ANO7: variants seen among roughly 807,000 people sequenced by gnomAD.
ANO7 encodes anoctamin 7.
ANO7 carries 114 observed loss-of-function variants against 115.8 expected under a neutral mutation model. That is an observed-to-expected ratio of 0.98 (90% CI 0.85 to 1.15). The LOEUF (loss-of-function observed/expected upper bound fraction) is 1.15. Ranked by LOEUF, ANO7 falls within the 50% of genes most tolerant of loss-of-function variation. ANO7 has a pLI of 0.00. For synonymous variants in ANO7, 550 were observed against 498.2 expected, an observed-to-expected ratio of 1.10 and a Z score of -1.38; for missense variants, 1,302 against 1,201.2, an observed-to-expected ratio of 1.08 and a Z score of -1.24.
chr2:241,209,564 G>T lies in ANO7; in HGVS notation c.1288G>T (p.Asp430Tyr). The T allele has an allele frequency of 6.2e-7, 1 of 1,602,292 alleles. No individual in the cohort carries two copies. The change falls in exon 13 of 25, where the codon GAC (aspartate) becomes TAC (tyrosine). Residue 430 changes from aspartate (D) to tyrosine (Y), a missense_variant. Coordinates refer to ENST00000674324, the MANE Select transcript of ANO7 (RefSeq NM_001370694.2). ...AGCCCCGAACCCCATCACGGGTGAG[G>T]ACGAGCCCTACTTCCCTGAGAGGAG... The part of the protein sequence containing the change: ...MTAPNPITGE[D>Y]EPYFPERSRA...
intron 15 of ANO7, 77 bp from the exon 16 acceptor site, chr2:241,212,017 T>G: frequency 2.0e-6 from 2 of 1,010,610 alleles, no homozygotes; most frequent in Non-Finnish European, 3.1e-6. Context: ...TGTGGCAAGG[T>G]GGTCCTAGGA....
rs759632609 is a variant in ANO7 at position 241,224,327 on chromosome 2, G to A, written c.*174G>A. 35 of 680,308 alleles carry A rather than the reference G, an allele frequency of 5.1e-5. No homozygotes were observed. Among genetic ancestry groups the A allele is most frequent in the African/African-American group, 3.8e-4 (21 of 55,304 alleles). 42.1% of individuals were successfully genotyped at this position (680,308 alleles called of 1,614,324 possible). A position where few individuals can be genotyped will look rare whatever the true frequency, so the allele number is the denominator to read the frequency against. On this transcript the variant is annotated 3_prime_UTR_variant, in exon 25 of 25. Coordinates refer to ENST00000674324, the MANE Select transcript of ANO7 (RefSeq NM_001370694.2). The stretch of plus-strand genomic sequence containing the variant: ...CAGCGCCGGCTTCTCTCCTCAGAGC[G>A]CCTGTCACTCCATCCCCGGCAGGGA...
downstream of ANO7, chr2:241,229,774 A>G: frequency 6.3e-7 from 1 of 1,584,894 alleles, no homozygotes; most frequent in Middle Eastern, 1.7e-4. Context: ...TCAGGACACC[A>G]AGCCCGCCTG....
In ANO7 at chr2:241,189,709, A is replaced by G. The variant is rs148928701; in HGVS notation, c.-7-348A>G. On this transcript the variant is annotated intron_variant, in intron 1 of 24. Transcript: ENST00000674324. ...AGAGAGGGAGAGGTGTCTGTACTCC[A>G]GGCCCACCTTTCTGGGCCTTCTCAG... is the stretch of plus-strand genomic sequence containing the variant. Among the ~76,000 whole-genome samples, 901 of 152,242 alleles carry G rather than the reference A, an allele frequency of 5.9e-3. 5 individuals carry two copies. Among genetic ancestry groups the G allele is most frequent in the Non-Finnish European group, 0.01 (686 of 68,010 alleles).
chr2:241,231,494 C>T, the ANO7 span, among the ~76,000 whole-genome samples: 3 of 151,920 alleles, frequency 2.0e-5, no homozygotes, highest in Admixed American at 1.3e-4. Flanking sequence ...CGAAAAAGGA[C>T]ATTTGTCCTC....
chr2:241,195,729 G>T lies in ANO7; in HGVS notation c.193G>T (p.Asp65Tyr), dbSNP rs144999147. The stretch of plus-strand genomic sequence containing the variant: ...AGACTTCGTCCTCGTTTGGGAGGAG[G>T]ACCTGAAGCTAGACAGGCAGCAGGA... ...IADFVLVWEE[D>Y]LKLDRQQDSA... Residue 65 changes from aspartate to tyrosine, a missense_variant, in exon 4 of 25, where the codon GAC becomes TAC. By Grantham distance (160) the Asp-to-Tyr change is radical. Transcript: ENST00000674324. 211 of 1,614,214 alleles carry T rather than the reference G, an allele frequency of 1.3e-4. 1 individual carries two copies. Among genetic ancestry groups the T allele is most frequent in the Admixed American group, 2.7e-4 (16 of 60,026 alleles).
intron 15 of ANO7, 37 bp from the exon 16 acceptor site, chr2:241,212,057 T>C: frequency 2.5e-6 from 4 of 1,580,470 alleles, no homozygotes; most frequent in Non-Finnish European, 3.5e-6. Context: ...TGCTGGTGAC[T>C]CCCCCAGGGA....
intron 13 of ANO7, 94 bp downstream of exon 13, chr2:241,209,729 A>T: frequency 6.9e-7 from 1 of 1,459,646 alleles, no homozygotes; most frequent in Non-Finnish European, 9.0e-7. Flanking sequence ...CCGTGGCCAG[A>T]TGCCTCCTCT....
rs377313973 is a variant in ANO7, at chr2:241,225,759, G to A, written c.*1606G>A. On this transcript the variant is annotated 3_prime_UTR_variant, in exon 25 of 25. Coordinates refer to ENST00000674324, the MANE Select transcript of ANO7 (RefSeq NM_001370694.2). ...CCTGCCTCCATGGAAGGGCTCTTCC[G>A]GCAGGGATGCAGGCTCACAGCGCCC... 2.2e-4 allele frequency among the ~76,000 whole-genome samples: 33 copies of A among 152,256 alleles called. No homozygotes were observed. The highest frequency in any genetic ancestry group is 1.2e-3 in the South Asian group (6 of 4,828).
chr2:241,204,883 T>C lies in ANO7; in HGVS notation c.908T>C (p.Leu303Pro), dbSNP rs780562257. The change falls in exon 10 of 25, where the codon CTC (leucine) becomes CCC (proline). Residue 303 changes from leucine to proline, a missense_variant. Transcript: ENST00000674324. Reference protein sequence around the residue: ...FAWLGFYTGWLLPAAVVGTLV... With the variant: ...FAWLGFYTGWPLPAAVVGTLV... ...TCTACAGGGTTTTACACAGGCTGGCTCCTGCCAGCGGCAGTGGTGGGCACA... is the reference window on the plus strand; with the variant it reads ...TCTACAGGGTTTTACACAGGCTGGCCCCTGCCAGCGGCAGTGGTGGGCACA... 6.2e-7 allele frequency: 1 copy of C among 1,613,752 alleles called. No individual in the cohort carries two copies. Among genetic ancestry groups the C allele is most frequent in the Non-Finnish European group, 8.5e-7 (1 of 1,179,884 alleles).
chr2:241,234,443 C>T, the ANO7 span, among the ~76,000 whole-genome samples: 4 of 152,210 alleles, frequency 2.6e-5, no homozygotes, highest in African/African-American at 9.6e-5. Flanking sequence ...CCAGAGTCCA[C>T]GCAGGGGTAC....
chr2:241,233,741 C>A, the ANO7 span: 4 of 1,545,252 alleles, frequency 2.6e-6, no homozygotes, highest in Non-Finnish European at 3.6e-6. This position sits in a 1 kb window ranked among gnomAD's most constrained non-coding sequence, Gnocchi z 4.3. Context: ...CATCTAGGCA[C>A]ATCTGGTTAC....
At chr2:241,221,299 C>G (rs955896414) in intron 21 of ANO7, among the ~76,000 whole-genome samples, 11 of 152,028 alleles carry the variant, frequency 7.2e-5, no homozygotes, top group Non-Finnish European at 1.6e-4. Flanking sequence ...TGGTCTTGAA[C>G]TCCTGACCTC....
chr2:241,217,229 C>G (rs896360620), intron 19 of ANO7, among the ~76,000 whole-genome samples: 2 of 152,218 alleles, frequency 1.3e-5, no homozygotes, highest in South Asian at 4.1e-4. Context: ...CAGGCCAGTT[C>G]CCAGGGCGAG....
Position 241,209,535 on chromosome 2 carries a change from T to G in ANO7, c.1259T>G (p.Met420Arg), listed in dbSNP as rs766130793. 9 of 1,596,430 alleles carry G rather than the reference T, an allele frequency of 5.6e-6. No individual in the cohort carries two copies. In the South Asian group the frequency reaches 9.0e-5, roughly 16 times the overall value. The change falls in exon 13 of 25, where the codon ATG becomes AGG. Residue 420 changes from methionine to arginine, a missense_variant. Physicochemically the swap from Met to Arg is moderately conservative, Grantham distance 91. Transcript: ENST00000674324. ...PRPQFAASAP[M>R]TAPNPITGED... ...CCCCAGTTTGCCGCCTCAGCCCCCA[T>G]GACAGCCCCGAACCCCATCACGGGT...
the ANO7 span, chr2:241,238,725 G>A: frequency 3.1e-6 from 5 of 1,590,100 alleles, no homozygotes; most frequent in Non-Finnish European, 4.3e-6. This position sits in a 1 kb window ranked among gnomAD's most constrained non-coding sequence, Gnocchi z 4.9. Flanking sequence ...TGGAACCTTT[G>A]GGGCCCATGA....
At chr2:241,199,453 C>T in intron 5 of ANO7, 30 bp downstream of exon 5, 5 of 1,606,246 alleles carry the variant, frequency 3.1e-6, no homozygotes, top group Non-Finnish European at 4.3e-6. Context: ...ACAGGGTGGG[C>T]CTGGAGGTCC....
At chr2:241,209,733 C>G in intron 13 of ANO7, 98 bp downstream of exon 13, 1 of 1,436,352 alleles carries the variant, frequency 7.0e-7, no homozygotes, top group Non-Finnish European at 9.2e-7. Flanking sequence ...GGCCAGATGC[C>G]TCCTCTGGGC....
chr2:241,199,498 G>A (rs927600492), intron 5 of ANO7, 75 bp downstream of exon 5: 21 of 1,463,410 alleles, frequency 1.4e-5, no homozygotes, highest in African/African-American at 4.2e-5. Flanking sequence ...TGCCAGTGCC[G>A]ACAGCCTCAG....
Sources: gnomAD v4.1 joint callset for allele counts (sites outside exome capture counted in the v4.1 genomes callset) on GRCh38, gnomAD v4.1.1 for gene constraint, Gnocchi (gnomAD v3.1) non-coding constraint, MANE v1.5 for transcripts, NCBI Gene and HGNC (gene_info 2026-07-23, HGNC 2026-07-21) for gene names.